Variants in BCLAF3 observed in about 807,000 individuals in gnomAD.
BCLAF3 encodes transient octamer binding factor 1.
BCLAF3 carries 24 observed loss-of-function variants against 51.2 expected under a neutral mutation model. The observed-to-expected ratio is 0.47, with a 90% CI of 0.34 to 0.66. BCLAF3 has a LOEUF of 0.66. Among genes scored for constraint, BCLAF3 ranks in the 30% least tolerant of loss-of-function variants. BCLAF3 has a pLI of 0.01. For synonymous variants in BCLAF3, 152 were observed against 176.6 expected (o/e 0.86, Z 1.10); for missense variants, 465 against 525.1 (o/e 0.89, Z 1.12).
intron 8 of BCLAF3, among the ~76,000 whole-genome samples, chrX:19,950,304 C>T (rs1418207867): frequency 9.0e-6 from 1 of 111,716 alleles, no homozygotes; most frequent in African/African-American, 3.3e-5. Flanking sequence ...TTTGTCAGTA[C>T]AGTGATCCAC....
At chrX:19,981,873 T>G (rs2072622937) in intron 1 of BCLAF3, among the ~76,000 whole-genome samples, 1 of 99,560 alleles carries the variant, frequency 1.0e-5, no homozygotes, top group Admixed American at 1.1e-4. Context: ...GGAGAAGGGG[T>G]GGGGGGATGA....
chrX:19,963,095 AAAAG>A (rs1431165502), intron 4 of BCLAF3, among the ~76,000 whole-genome samples: 18 of 109,986 alleles, frequency 1.6e-4, no homozygotes, highest in Non-Finnish European at 3.0e-4. Flanking sequence ...AAAAAGAAAA[AAAAG>A]AAAGAAAGAA....
chrX:19,953,918 T>C, intron 5 of BCLAF3, 26 bp from the exon 6 acceptor site: 1 of 1,196,345 alleles, frequency 8.4e-7, no homozygotes, highest in Non-Finnish European at 1.1e-6. Context: ...AAGAGTTTTA[T>C]CTCAATGTTA....
At position 19,937,450 on chromosome X, in the gene BCLAF3, T is replaced by C. The variant is rs752200493; in HGVS notation, c.1828A>G (p.Asn610Asp). ...FQKPTHFIKS[N>D]FRKCIEKPYM... ...GGTTTTTCAATACATTTTCTAAAATTTGATTTTATAAAATGTGTGGGTTTT... is the reference window on the plus strand; with the variant it reads ...GGTTTTTCAATACATTTTCTAAAATCTGATTTTATAAAATGTGTGGGTTTT... Residue 610 changes from asparagine to aspartate, a missense_variant, in exon 9 of 12, where the codon AAT becomes GAT. By Grantham distance (23) the Asn-to-Asp change is conservative (BLOSUM62 1). Coordinates refer to ENST00000379682, the MANE Select transcript of BCLAF3 (RefSeq NM_001367774.2). The C allele has an allele frequency of 4.3e-6, 5 of 1,174,208 alleles. No homozygotes were observed. Among genetic ancestry groups the C allele is most frequent in the South Asian group, 1.8e-5 (1 of 54,358 alleles).
At chrX:19,978,170 T>C (rs2072490009) in intron 1 of BCLAF3, among the ~76,000 whole-genome samples, 1 of 112,402 alleles carries the variant, frequency 8.9e-6, no homozygotes, top group Non-Finnish European at 1.9e-5. Flanking sequence ...CAAGGAGTAA[T>C]TTTGACTTTC....
At chrX:19,950,509 C>T (rs1214232202) in intron 8 of BCLAF3, among the ~76,000 whole-genome samples, 1 of 112,402 alleles carries the variant, frequency 8.9e-6, no homozygotes, top group Non-Finnish European at 1.9e-5. Flanking sequence ...TAACACTCCT[C>T]ATCAGAATTA....
intron 1 of BCLAF3, among the ~76,000 whole-genome samples, 90 bp downstream of exon 1, chrX:19,990,818 G>T (rs1438102877): frequency 9.0e-6 from 1 of 110,795 alleles, no homozygotes; most frequent in Non-Finnish European, 1.9e-5. Context: ...TGCCCCATCC[G>T]CCACCCCGAG....
chrX:19,926,172 C>T (rs1569499856), intron 11 of BCLAF3, among the ~76,000 whole-genome samples: 1 of 111,250 alleles, frequency 9.0e-6, no homozygotes. Flanking sequence ...AGGTAGTAGA[C>T]ACTGCAAGAA....
chrX:19,921,596 G>A (rs985111002), intron 11 of BCLAF3, among the ~76,000 whole-genome samples: 3 of 109,583 alleles, frequency 2.7e-5, no homozygotes, highest in Admixed American at 9.8e-5. Context: ...CCAGCTACTC[G>A]GGAGGCTGAG....
At position 19,915,098 on chromosome X, in the gene BCLAF3, A is replaced by C. The variant is rs1224861836; in HGVS notation, c.*2207T>G. 9.2e-6 allele frequency: 1 copy of C among 109,007 alleles called. No individual in the cohort carries two copies. The highest frequency in any genetic ancestry group is 3.3e-5 in the African/African-American group (1 of 29,983). The allele number at this position is 109,007 out of a possible 1,213,427, so 9.0% of individuals were successfully genotyped here. A position where few individuals can be genotyped will look rare whatever the true frequency, so the allele number is the denominator to read the frequency against. Reference sequence around the variant, plus strand: ...AGGAGGCAATGGTAGGGGACTTATCAAAAAAAAGAAAAAAAAAAAAAACTT... The same window carrying C: ...AGGAGGCAATGGTAGGGGACTTATCCAAAAAAAGAAAAAAAAAAAAAACTT... On this transcript the variant is annotated 3_prime_UTR_variant, in exon 12 of 12. Transcript: ENST00000379682.
At chrX:19,961,357 G>A (rs1455003327) in intron 4 of BCLAF3, among the ~76,000 whole-genome samples, 1 of 112,111 alleles carries the variant, frequency 8.9e-6, no homozygotes. Flanking sequence ...TCAAGCAAGT[G>A]TTTACCTACT....
chrX:19,968,258 C>A (rs1411690255), intron 2 of BCLAF3, among the ~76,000 whole-genome samples: 1 of 112,657 alleles, frequency 8.9e-6, no homozygotes, highest in African/African-American at 3.2e-5. Flanking sequence ...AGATAATTCT[C>A]CACAGTCTCT....
intron 4 of BCLAF3, among the ~76,000 whole-genome samples, chrX:19,958,824 T>C (rs2071754525): frequency 8.9e-6 from 1 of 112,506 alleles, no homozygotes; most frequent in Admixed American, 9.4e-5. Flanking sequence ...TGTATATAAT[T>C]TGCTCCTGTC....
rs762357714 is a variant in BCLAF3 at position 19,945,533 on chromosome X, G to C, written c.1745+5220C>G. ...TGCAGGTCTGTTGGAATACCCTGCC[G>C]TGTGAGGTGTCAGTGTGCCCCTGCT... On this transcript the variant is annotated intron_variant, in intron 8 of 11. Coordinates refer to ENST00000379682, the MANE Select transcript of BCLAF3 (RefSeq NM_001367774.2). Among the ~76,000 whole-genome samples the C allele has an allele frequency of 1.5e-3, 138 of 89,129 alleles. 1 individual carries two copies. The highest frequency in any genetic ancestry group is 2.0e-3 in the East Asian group (7 of 3,458). The allele number at this position is 89,129 out of a possible 115,157, so 77.4% of individuals were successfully genotyped here. A position where few individuals can be genotyped will look rare whatever the true frequency, so the allele number is the denominator to read the frequency against.
rs925502882 is a variant in BCLAF3 at position 19,980,854 on chromosome X, G to A, written c.-35+10054C>T. ...CTCGGGAGGCTGAGACACGAGAATC[G>A]CTTGAACCCAGGAGGCAGAGGTTGC... is the stretch of plus-strand genomic sequence containing the variant. On this transcript the variant is annotated intron_variant, in intron 1 of 11. Coordinates refer to ENST00000379682, the MANE Select transcript of BCLAF3 (RefSeq NM_001367774.2). Among the ~76,000 whole-genome samples, 4 of 108,208 alleles carry A rather than the reference G, an allele frequency of 3.7e-5. No homozygotes were observed. In the Admixed American group the frequency reaches 4.0e-4, roughly 11 times the overall value. 94.0% of individuals were successfully genotyped at this position (108,208 alleles called of 115,157 possible).
Position 19,953,898 on chromosome X carries a change from A to G in BCLAF3, c.1451-6T>C, listed in dbSNP as rs1392278522. 8.3e-7 allele frequency: 1 copy of G among 1,203,075 alleles called. No homozygotes were observed. Among genetic ancestry groups the G allele is most frequent in the Admixed American group, 2.2e-5 (1 of 45,867 alleles). ...AGGTGATGGAAAATAATTTGCTGAA[A>G]AAGGAAATGAAGAGTTTTATCTCAA... On this transcript the variant is annotated splice_polypyrimidine_tract_variant and splice_region_variant and intron_variant, in intron 5 of 11. Transcript: ENST00000379682.
At chrX:19,920,709 T>C (rs1180107111) in intron 11 of BCLAF3, among the ~76,000 whole-genome samples, 6 of 108,368 alleles carry the variant, frequency 5.5e-5, no homozygotes, top group Non-Finnish European at 1.1e-4. Context: ...TAGTCCCAGC[T>C]ACTTGGGAGG....
intron 11 of BCLAF3, among the ~76,000 whole-genome samples, chrX:19,925,387 T>G (rs1213704887): frequency 9.0e-6 from 1 of 111,207 alleles, no homozygotes; most frequent in Non-Finnish European, 1.9e-5. Context: ...AAGATCTGTC[T>G]AAATATTCTT....
chrX:19,983,639 C>T (rs963355027), intron 1 of BCLAF3, among the ~76,000 whole-genome samples: 1 of 110,099 alleles, frequency 9.1e-6, no homozygotes, highest in African/African-American at 3.3e-5. Context: ...CACTTGAACC[C>T]GGGAGGCGGA....
Sources: gnomAD v4.1 joint callset for allele counts (sites outside exome capture counted in the v4.1 genomes callset) on GRCh38, gnomAD v4.1.1 for gene constraint, MANE v1.5 for transcripts, NCBI Gene and HGNC (gene_info 2026-07-23, HGNC 2026-07-21) for gene names.